RUNX2: variants seen among roughly 807,000 people sequenced by gnomAD.
The protein encoded by RUNX2 is runt-related transcription factor 2.
In RUNX2, 10 loss-of-function variants were observed where a neutral mutation model predicts 51.7. The ratio of observed to expected loss-of-function variants is 0.19; its 90% CI spans 0.12 to 0.33. The LOEUF is 0.33. RUNX2 is among the 10% of genes least tolerant of loss of function. The pLI is 1.00. For synonymous variants in RUNX2, 276 were observed against 273.6 expected, an observed-to-expected ratio of 1.01 and a Z score of -0.09; for missense variants, 562 against 691.3, an observed-to-expected ratio of 0.81 and a Z score of 2.10.
intron 7 of RUNX2, among the ~76,000 whole-genome samples, chr6:45,532,085 G>A (rs1355353284): frequency 7.1e-6 from 1 of 141,190 alleles, no homozygotes; most frequent in East Asian, 2.2e-4. Context: ...GGGAACTGTT[G>A]TTAACAATTA....
intron 2 of RUNX2, among the ~76,000 whole-genome samples, chr6:45,404,281 GAAAAAAGAAAAA>G (rs1797785620): frequency 1.3e-5 from 1 of 76,270 alleles, no homozygotes; most frequent in Admixed American, 1.4e-4. Context: ...AAAAGAAAAA[GAAAAAAGAAAAA>G]AAAAAGGAAA....
rs113084865 is a variant in RUNX2 at position 45,424,728 on chromosome 6, T to C, written c.423+1771T>C. Among the ~76,000 whole-genome samples, 1,060 of 152,192 alleles carry C rather than the reference T, an allele frequency of 7.0e-3. 17 individuals are homozygous for C. Among genetic ancestry groups the C allele is most frequent in the African/African-American group, 0.024 (1,016 of 41,520 alleles). ...GGTCAATTAGACCTGGTTATCTCGCTAGGACTTATATCAGAACAGAAATCA... is the reference window on the plus strand; with the variant it reads ...GGTCAATTAGACCTGGTTATCTCGCCAGGACTTATATCAGAACAGAAATCA... On this transcript the variant is annotated intron_variant, in intron 3 of 8. Coordinates refer to ENST00000647337, the MANE Select transcript of RUNX2 (RefSeq NM_001024630.4).
At chr6:45,456,519 C>CT (rs1255040051) in intron 5 of RUNX2, among the ~76,000 whole-genome samples, 1 of 152,134 alleles carries the variant, frequency 6.6e-6, no homozygotes. Flanking sequence ...CTTCTTGTCT[C>CT]TTTTTTCCTT....
chr6:45,439,366 G>A (rs1453493918), intron 5 of RUNX2, among the ~76,000 whole-genome samples: 1 of 152,180 alleles, frequency 6.6e-6, no homozygotes, highest in Non-Finnish European at 1.5e-5. Context: ...AGTCCTAAGG[G>A]CTAGTGGTTA....
chr6:45,349,634 T>C (rs1240177805), intron 2 of RUNX2, among the ~76,000 whole-genome samples: 1 of 152,218 alleles, frequency 6.6e-6, no homozygotes. Context: ...ACTGGAAGAT[T>C]CATTTTTTTA....
intron 2 of RUNX2, among the ~76,000 whole-genome samples, chr6:45,339,522 G>C (rs187662872): frequency 1.3e-5 from 2 of 152,172 alleles, no homozygotes; most frequent in African/African-American, 4.8e-5. Flanking sequence ...TCTTCCAATA[G>C]AGGTGATAGT....
At chr6:45,540,169 A>G (rs1802172568) in intron 7 of RUNX2, among the ~76,000 whole-genome samples, 3 of 152,178 alleles carry the variant, frequency 2.0e-5, no homozygotes, top group African/African-American at 7.2e-5. Flanking sequence ...GAAATAGGGC[A>G]GAGGACTCTG....
At chr6:45,426,415 C>A (rs1798384015) in intron 3 of RUNX2, among the ~76,000 whole-genome samples, 1 of 152,140 alleles carries the variant, frequency 6.6e-6, no homozygotes, top group East Asian at 1.9e-4. Context: ...AGCTGATGGT[C>A]AGGTAACGGT....
chr6:45,491,622 G>GTT (rs34040641), intron 5 of RUNX2, among the ~76,000 whole-genome samples: 7,471 of 93,404 alleles, frequency 0.08, 516 homozygotes, highest in African/African-American at 0.13. Flanking sequence ...TCTCCTGTTT[G>GTT]TTTTTTTTTT....
At chr6:45,341,316 A>T (rs1789726988) in intron 2 of RUNX2, among the ~76,000 whole-genome samples, 1 of 152,190 alleles carries the variant, frequency 6.6e-6, no homozygotes, top group Non-Finnish European at 1.5e-5. Flanking sequence ...GATACATGAG[A>T]TATTTTGCAA....
At position 45,547,347 on chromosome 6, in the gene RUNX2, C is replaced by T; in HGVS notation, c.*42C>T. ...CCCAGTGGTATCTGGGGGCCACATCCCACACGTATCAATATATACATATAT... is the reference window on the plus strand; with the variant it reads ...CCCAGTGGTATCTGGGGGCCACATCTCACACGTATCAATATATACATATAT... On this transcript the variant is annotated 3_prime_UTR_variant, in exon 9 of 9. Transcript: ENST00000647337. 1 of 1,391,420 alleles carries T rather than the reference C, an allele frequency of 7.2e-7. No homozygotes were observed. The highest frequency in any genetic ancestry group is 1.7e-5 in the Admixed American group (1 of 59,750). The allele number at this position is 1,391,420 out of a possible 1,614,324, so 86.2% of individuals were successfully genotyped here.
rs760659898 is a variant in RUNX2, at chr6:45,512,997, C to T, written c.1021+590C>T. 5.9e-4 allele frequency among the ~76,000 whole-genome samples: 90 copies of T among 152,276 alleles called. 1 individual carries two copies. The highest frequency in any genetic ancestry group is 2.0e-4 in the Admixed American group (3 of 15,302). ...GACTTTCTGTGAAACATAATGCATG[C>T]TGCTGTCACTTGCAGCCCGGCAGCC... On this transcript the variant is annotated intron_variant, in intron 7 of 8. Transcript: ENST00000647337.
At chr6:45,432,823 T>C (rs1798580770) in intron 4 of RUNX2, among the ~76,000 whole-genome samples, 1 of 152,222 alleles carries the variant, frequency 6.6e-6, no homozygotes, top group African/African-American at 2.4e-5. Context: ...AGTTACTCAC[T>C]ATTAGAAGCA....
intron 2 of RUNX2, among the ~76,000 whole-genome samples, chr6:45,387,940 A>G (rs998169626): frequency 3.3e-5 from 5 of 152,232 alleles, no homozygotes; most frequent in Non-Finnish European, 5.9e-5. Flanking sequence ...GGAAAGTCCT[A>G]TAAGTTCCTT....
chr6:45,484,102 G>C (rs1037716486), intron 5 of RUNX2, among the ~76,000 whole-genome samples: 2 of 152,102 alleles, frequency 1.3e-5, no homozygotes, highest in Non-Finnish European at 2.9e-5. Flanking sequence ...TGGTAGACGA[G>C]GAAGCTAAGA....
At chr6:45,340,317 GGTTT>G (rs995134936) in intron 2 of RUNX2, among the ~76,000 whole-genome samples, 1 of 152,004 alleles carries the variant, frequency 6.6e-6, no homozygotes, top group Non-Finnish European at 1.5e-5. Context: ...ATTAAGGTGA[GGTTT>G]GTTAAGCCCC....
intron 2 of RUNX2, among the ~76,000 whole-genome samples, chr6:45,414,910 AAC>A (rs1320201616): frequency 6.6e-6 from 1 of 151,970 alleles, no homozygotes; most frequent in Non-Finnish European, 1.5e-5. Context: ...TGTGGGAAGA[AAC>A]ACTGACCAAT....
chr6:45,512,437 T>C, intron 7 of RUNX2, 30 bp downstream of exon 7: 1 of 1,612,596 alleles, frequency 6.2e-7, no homozygotes, highest in Non-Finnish European at 8.5e-7. Flanking sequence ...TAAAAATCCA[T>C]CCCTGCACAG....
At chr6:45,471,689 G>C (rs775643732) in intron 5 of RUNX2, among the ~76,000 whole-genome samples, 1 of 151,924 alleles carries the variant, frequency 6.6e-6, no homozygotes, top group African/African-American at 2.4e-5. Context: ...CGTCCTCCTC[G>C]GCCTCCCAAA....
Sources: allele counts gnomAD v4.1 joint callset (sites outside exome capture counted in the v4.1 genomes callset), GRCh38; gene constraint gnomAD v4.1.1; transcripts MANE v1.5; gene names NCBI Gene and HGNC (gene_info 2026-07-23, HGNC 2026-07-21).